The following RPP25L variants were observed in gnomAD, a reference collection of about 807,000 sequenced individuals.
RPP25L encodes the protein ribonuclease P/MRP subunit p25 like, also known as ribonuclease P protein subunit p25-like protein.
In RPP25L, 5 loss-of-function variants were observed where a neutral mutation model predicts 10.1. That is an observed-to-expected ratio of 0.50 (90% CI 0.26 to 1.04). RPP25L has a LOEUF of 1.04. Among genes scored for constraint, RPP25L ranks in the 50% least tolerant of loss-of-function variants. RPP25L has a pLI of 0.14. For missense variants in RPP25L, 192 were observed against 217.3 expected, an observed-to-expected ratio of 0.88 and a Z score of 0.73; for synonymous variants, 96 against 88.6, an observed-to-expected ratio of 1.08 and a Z score of -0.47.
rs759194909 is a variant in RPP25L at position 34,611,150 on chromosome 9, G to A, written c.147C>T (p.Gly49=). The A allele has an allele frequency of 1.2e-6, 2 of 1,614,044 alleles. No individual in the cohort carries two copies. The highest frequency in any genetic ancestry group is 2.2e-5 in the South Asian group (2 of 91,076). The change falls in exon 2 of 2, where the codon GGC becomes GGT. Residue 49 remains glycine, a synonymous_variant. Transcript: ENST00000378959. The surrounding 1 kb of genome is among the most constrained non-coding windows in gnomAD (Gnocchi z 4.4). ...LLGLALGRLE[G]GSARHVVFSG... ...AGAACACTACATGCCGAGCACTGCC[G>A]CCCTCCAACCGACCCAGAGCCAACC...
Position 34,611,441 on chromosome 9 carries a change from A to G in RPP25L, c.-36-109T>C. 1 of 834,236 alleles carries G rather than the reference A, an allele frequency of 1.2e-6. No individual in the cohort carries two copies. Among genetic ancestry groups the G allele is most frequent in the Non-Finnish European group, 1.8e-6 (1 of 544,640 alleles). 51.7% of individuals were successfully genotyped at this position (834,236 alleles called of 1,614,324 possible). A position where few individuals can be genotyped will look rare whatever the true frequency, so the allele number is the denominator to read the frequency against. Reference sequence around the variant, plus strand: ...CTGCTCCCCGTTCCAGACTTCCCAGAAACAGGATCATGTCCCCTTGTCCTT... The same window carrying G: ...CTGCTCCCCGTTCCAGACTTCCCAGGAACAGGATCATGTCCCCTTGTCCTT... On this transcript the variant is annotated intron_variant, in intron 1 of 1. Transcript: ENST00000378959. The surrounding 1 kb of genome is among the most constrained non-coding windows in gnomAD (Gnocchi z 4.4).
chr9:34,610,530 C>T lies in RPP25L; in HGVS notation c.*275G>A, dbSNP rs1481026748. ...AGAAACTTTATTTCCTAAATCCCTCCCTGGACCTCTTTCAGAAGGCAGTTC... is the reference window on the plus strand; with the variant it reads ...AGAAACTTTATTTCCTAAATCCCTCTCTGGACCTCTTTCAGAAGGCAGTTC... On this transcript the variant is annotated 3_prime_UTR_variant, in exon 2 of 2. Transcript: ENST00000378959. 1.2e-5 allele frequency: 5 copies of T among 425,336 alleles called. No homozygotes were observed. The highest frequency in any genetic ancestry group is 2.1e-5 in the Non-Finnish European group (5 of 240,648). 26.3% of individuals were successfully genotyped at this position (425,336 alleles called of 1,614,324 possible).
Position 34,611,159 on chromosome 9 carries a change from C to A in RPP25L, c.138G>T (p.Arg46=), listed in dbSNP as rs764907305. 35 of 1,614,036 alleles carry A rather than the reference C, an allele frequency of 2.2e-5. No individual in the cohort carries two copies. Among genetic ancestry groups the A allele is most frequent in the Non-Finnish European group, 2.8e-5 (33 of 1,180,026 alleles). ...IRNLLGLALG[R]LEGGSARHVV... ...CATGCCGAGCACTGCCGCCCTCCAA[C>A]CGACCCAGAGCCAACCCCAGCAGGT... Residue 46 remains arginine (R), a synonymous_variant, in exon 2 of 2, where the codon CGG becomes CGT. Coordinates refer to ENST00000378959, the MANE Select transcript of RPP25L (RefSeq NM_148178.3). The surrounding 1 kb of genome is among the most constrained non-coding windows in gnomAD (Gnocchi z 4.4).
At position 34,611,335 on chromosome 9, in the gene RPP25L, G is replaced by A. The variant is rs1216959040; in HGVS notation, c.-36-3C>T. On this transcript the variant is annotated splice_polypyrimidine_tract_variant and splice_region_variant and intron_variant, in intron 1 of 1. Coordinates refer to ENST00000378959, the MANE Select transcript of RPP25L (RefSeq NM_148178.3). The surrounding 1 kb of genome is among the most constrained non-coding windows in gnomAD (Gnocchi z 4.4). ...TTGTCTGTGACTCTCGCTGCCCACT[G>A]CAGGGAAGCATCAGGTAAGTGCTAA... The A allele has an allele frequency of 1.9e-6, 3 of 1,594,202 alleles. No homozygotes were observed. The highest frequency in any genetic ancestry group is 1.7e-5 in the Admixed American group (1 of 59,102).
chr9:34,612,019 C>T (rs1820310220), intron 1 of RPP25L, 45 bp downstream of exon 1: 1 of 152,598 alleles, frequency 6.6e-6, no homozygotes, highest in African/African-American at 2.4e-5. Flanking sequence ...CAGGCGTCCC[C>T]CAACCCTACG....
At position 34,612,048 on chromosome 9, in the gene RPP25L, C is replaced by A. The variant is rs370431500; in HGVS notation, c.-37+16G>T. On this transcript the variant is annotated intron_variant, in intron 1 of 1. Transcript: ENST00000378959. Reference sequence around the variant, plus strand: ...CCCTACGAGCGCCCCTCTGCCCGCCCGGTTCCGGCTCTCACCGAAGCCGCC... The same window carrying A: ...CCCTACGAGCGCCCCTCTGCCCGCCAGGTTCCGGCTCTCACCGAAGCCGCC... 2.8e-4 allele frequency: 42 copies of A among 152,062 alleles called. No homozygotes were observed. The East Asian group carries it at 5.5e-3, about 20-fold the overall frequency. The allele number at this position is 152,062 out of a possible 1,614,324, so 9.4% of individuals were successfully genotyped here.
In RPP25L at chr9:34,611,324, C is replaced by T. The variant is rs1429190910; in HGVS notation, c.-28G>A. ...TGCTTGCTGTCTTGTCTGTGACTCT[C>T]GCTGCCCACTGCAGGGAAGCATCAG... On this transcript the variant is annotated 5_prime_UTR_variant, in exon 2 of 2. Transcript: ENST00000378959. This position sits in a 1 kb window ranked among gnomAD's most constrained non-coding sequence, Gnocchi z 4.4. 17 of 1,603,478 alleles carry T rather than the reference C, an allele frequency of 1.1e-5. No individual in the cohort carries two copies. The highest frequency in any genetic ancestry group is 1.4e-5 in the Non-Finnish European group (16 of 1,174,760).
chr9:34,611,014 T>C lies in RPP25L; in HGVS notation c.283A>G (p.Ser95Gly). 1 of 1,614,016 alleles carries C rather than the reference T, an allele frequency of 6.2e-7. No homozygotes were observed. The highest frequency in any genetic ancestry group is 8.5e-7 in the Non-Finnish European group (1 of 1,180,006). Residue 95 changes from serine to glycine, a missense_variant, in exon 2 of 2, where the codon AGC becomes GGC. Physicochemically the swap from Ser to Gly is moderately conservative, Grantham distance 56. Coordinates refer to ENST00000378959, the MANE Select transcript of RPP25L (RefSeq NM_148178.3). This position sits in a 1 kb window ranked among gnomAD's most constrained non-coding sequence, Gnocchi z 4.4. ...TKLRFLQTED[S>G]WVPASPDTGL... Reference sequence around the variant, plus strand: ...GTGTCAGGTGAGGCTGGGACCCAGCTGTCCTCAGTCTGAAGGAAACGTAGC... The same window carrying C: ...GTGTCAGGTGAGGCTGGGACCCAGCCGTCCTCAGTCTGAAGGAAACGTAGC...
rs1411144737 is a variant in RPP25L, at chr9:34,611,197, T to C, written c.100A>G (p.Ser34Gly). 3 of 1,614,078 alleles carry C rather than the reference T, an allele frequency of 1.9e-6. No individual in the cohort carries two copies. The highest frequency in any genetic ancestry group is 1.1e-5 in the South Asian group (1 of 91,084). ...DTLEMRVRDG[S>G]KIRNLLGLAL... ...AACCCCAGCAGGTTGCGAATTTTGCTGCCATCTCGGACCCGCATCTCAAGG... is the reference window on the plus strand; with the variant it reads ...AACCCCAGCAGGTTGCGAATTTTGCCGCCATCTCGGACCCGCATCTCAAGG... The change falls in exon 2 of 2, where the codon AGC (serine) becomes GGC (glycine). Residue 34 changes from serine (S) to glycine (G), a missense_variant. Ser to Gly is a moderately conservative substitution (Grantham distance 56). Coordinates refer to ENST00000378959, the MANE Select transcript of RPP25L (RefSeq NM_148178.3). The surrounding 1 kb of genome is among the most constrained non-coding windows in gnomAD (Gnocchi z 4.4).
Position 34,610,755 on chromosome 9 carries a change from C to T in RPP25L, c.*50G>A, listed in dbSNP as rs772508813. 14 of 1,504,820 alleles carry T rather than the reference C, an allele frequency of 9.3e-6. No individual in the cohort carries two copies. Among genetic ancestry groups the T allele is most frequent in the African/African-American group, 4.2e-5 (3 of 71,500 alleles). The allele number at this position is 1,504,820 out of a possible 1,614,324, so 93.2% of individuals were successfully genotyped here. A position where few individuals can be genotyped will look rare whatever the true frequency, so the allele number is the denominator to read the frequency against. On this transcript the variant is annotated 3_prime_UTR_variant, in exon 2 of 2. Transcript: ENST00000378959. ...GTCACAACGCTTCTCAGAAAAGGCA[C>T]AAGCACCCCAGACATTCAGGCCCGG...
Position 34,611,198 on chromosome 9 carries a change from GC to G in RPP25L, c.98del (p.Gly33AlafsTer23). ...ACCCCAGCAGGTTGCGAATTTTGCT[GC>G]CATCTCGGACCCGCATCTCAAGGGT... Reference protein sequence around the residue: ...PDTLEMRVRDGSKIRNLLGLA... With the variant: ...PDTLEMRVRDXSKIRNLLGLA... On this transcript the variant is annotated frameshift_variant, in exon 2 of 2. Transcript: ENST00000378959. LOFTEE classifies it high-confidence loss of function. The surrounding 1 kb of genome is among the most constrained non-coding windows in gnomAD (Gnocchi z 4.4). 6.2e-7 allele frequency: 1 copy of G among 1,614,076 alleles called. No homozygotes were observed. Among genetic ancestry groups the G allele is most frequent in the East Asian group, 2.2e-5 (1 of 44,892 alleles).
rs150856053 is a variant in RPP25L, at chr9:34,611,184, T to G, written c.113A>C (p.Asn38Thr). 9 of 1,613,916 alleles carry G rather than the reference T, an allele frequency of 5.6e-6. No homozygotes were observed. Among genetic ancestry groups the G allele is most frequent in the Non-Finnish European group, 5.9e-6 (7 of 1,180,000 alleles). ...CCGACCCAGAGCCAACCCCAGCAGGTTGCGAATTTTGCTGCCATCTCGGAC... is the reference window on the plus strand; with the variant it reads ...CCGACCCAGAGCCAACCCCAGCAGGGTGCGAATTTTGCTGCCATCTCGGAC... ...MRVRDGSKIR[N>T]LLGLALGRLE... The change falls in exon 2 of 2, where the codon AAC (asparagine) becomes ACC (threonine). Residue 38 changes from asparagine (N) to threonine (T), a missense_variant. Asn to Thr is a moderately conservative substitution (Grantham distance 65, BLOSUM62 0). Transcript: ENST00000378959. This position sits in a 1 kb window ranked among gnomAD's most constrained non-coding sequence, Gnocchi z 4.4.
At position 34,611,071 on chromosome 9, in the gene RPP25L, G is replaced by A. The variant is rs1387048392; in HGVS notation, c.226C>T (p.Arg76Trp). ...AGCTGGTGCAGGCCTGGGACCCGCC[G>A]CTTGACAATCTCAGCGCAGCTGACA... ...KAVSCAEIVK[R>W]RVPGLHQLTK... Residue 76 changes from arginine (R) to tryptophan (W), a missense_variant, in exon 2 of 2, where the codon CGG (arginine) becomes TGG (tryptophan). Arg to Trp is a moderately radical substitution (Grantham distance 101, BLOSUM62 -3). Coordinates refer to ENST00000378959, the MANE Select transcript of RPP25L (RefSeq NM_148178.3). This position sits in a 1 kb window ranked among gnomAD's most constrained non-coding sequence, Gnocchi z 4.4. 3 of 1,613,926 alleles carry A rather than the reference G, an allele frequency of 1.9e-6. No individual in the cohort carries two copies. The highest frequency in any genetic ancestry group is 2.2e-5 in the East Asian group (1 of 44,898).
chr9:34,611,016 TCCTCAGTCTGAAGGAAACGTAG>T lies in RPP25L; in HGVS notation c.259_280del (p.Leu87ThrfsTer12), dbSNP rs750773299. The T allele has an allele frequency of 9.9e-6, 16 of 1,613,828 alleles. No individual in the cohort carries two copies. The highest frequency in any genetic ancestry group is 1.7e-5 in the Admixed American group (1 of 59,992). ...GTCAGGTGAGGCTGGGACCCAGCTG[TCCTCAGTCTGAAGGAAACGTAG>T]CTTGGTGAGCTGGTGCAGGCCTGGG... On this transcript the variant is annotated frameshift_variant, in exon 2 of 2. Coordinates refer to ENST00000378959, the MANE Select transcript of RPP25L (RefSeq NM_148178.3). LOFTEE classifies it high-confidence loss of function. The surrounding 1 kb of genome is among the most constrained non-coding windows in gnomAD (Gnocchi z 4.4).
Position 34,610,726 on chromosome 9 carries a change from A to C in RPP25L, c.*79T>G, listed in dbSNP as rs1467057087. On this transcript the variant is annotated 3_prime_UTR_variant, in exon 2 of 2. Coordinates refer to ENST00000378959, the MANE Select transcript of RPP25L (RefSeq NM_148178.3). Reference sequence around the variant, plus strand: ...GACTCAAACCTTGATGGGGATGTTGAGCAGTCACAACGCTTCTCAGAAAAG... The same window carrying C: ...GACTCAAACCTTGATGGGGATGTTGCGCAGTCACAACGCTTCTCAGAAAAG... The C allele has an allele frequency of 6.9e-7, 1 of 1,450,196 alleles. No individual in the cohort carries two copies. The highest frequency in any genetic ancestry group is 9.2e-7 in the Non-Finnish European group (1 of 1,087,166). The allele number at this position is 1,450,196 out of a possible 1,614,324, so 89.8% of individuals were successfully genotyped here. A position where few individuals can be genotyped will look rare whatever the true frequency, so the allele number is the denominator to read the frequency against.
At position 34,610,840 on chromosome 9, in the gene RPP25L, G is replaced by C. The variant is rs750039440; in HGVS notation, c.457C>G (p.Arg153Gly). The C allele has an allele frequency of 2.6e-6, 4 of 1,543,402 alleles. No individual in the cohort carries two copies. Among genetic ancestry groups the C allele is most frequent in the Middle Eastern group, 3.5e-4 (2 of 5,648 alleles). Residue 153 changes from arginine (R) to glycine (G), a missense_variant, in exon 2 of 2, where the codon CGT becomes GGT. Coordinates refer to ENST00000378959, the MANE Select transcript of RPP25L (RefSeq NM_148178.3). ...GTGTCTCGAGCCCTTCTTCGGGAAC[G>C]AGGGCCACAGCTGGAGCTGGGCATG... ...GSMPSSSCGPRSRRRARDTRS is the reference protein window; with the variant it reads ...GSMPSSSCGPGSRRRARDTRS
chr9:34,610,633 T>C lies in RPP25L; in HGVS notation c.*172A>G. 2 of 701,660 alleles carry C rather than the reference T, an allele frequency of 2.9e-6. No homozygotes were observed. Among genetic ancestry groups the C allele is most frequent in the East Asian group, 5.4e-5 (2 of 37,066 alleles). 43.5% of individuals were successfully genotyped at this position (701,660 alleles called of 1,614,324 possible). ...TTGGCAGAGGCCCCACATCTGTCAT[T>C]CTTCACAGCAGTCCCTTCCCACATG... On this transcript the variant is annotated 3_prime_UTR_variant, in exon 2 of 2. Coordinates refer to ENST00000378959, the MANE Select transcript of RPP25L (RefSeq NM_148178.3).
Position 34,611,388 on chromosome 9 carries a change from A to AT in RPP25L, c.-36-57dup, listed in dbSNP as rs1301658324. The stretch of plus-strand genomic sequence containing the variant: ...AATGTGCCCCAAGTCACTGTCCACC[A>AT]TCCCCTATCTCCATCCAGGATATGG... On this transcript the variant is annotated intron_variant, in intron 1 of 1. Coordinates refer to ENST00000378959, the MANE Select transcript of RPP25L (RefSeq NM_148178.3). The surrounding 1 kb of genome is among the most constrained non-coding windows in gnomAD (Gnocchi z 4.4). 2 of 1,363,066 alleles carry AT rather than the reference A, an allele frequency of 1.5e-6. No homozygotes were observed. The highest frequency in any genetic ancestry group is 2.0e-6 in the Non-Finnish European group (2 of 995,882). 84.4% of individuals were successfully genotyped at this position (1,363,066 alleles called of 1,614,324 possible).
rs890997721 is a variant in RPP25L at position 34,611,482 on chromosome 9, G to T, written c.-36-150C>A. 5.9e-5 allele frequency: 40 copies of T among 672,822 alleles called. No homozygotes were observed. In the Admixed American group the frequency reaches 1.1e-3, roughly 18 times the overall value. 41.7% of individuals were successfully genotyped at this position (672,822 alleles called of 1,614,324 possible). Reference sequence around the variant, plus strand: ...CCTTGTCCTTAGCATCTCGTGACAAGGTCCATGCCTGCCGCAGTCTGGGAA... The same window carrying T: ...CCTTGTCCTTAGCATCTCGTGACAATGTCCATGCCTGCCGCAGTCTGGGAA... On this transcript the variant is annotated intron_variant, in intron 1 of 1. Transcript: ENST00000378959. This position sits in a 1 kb window ranked among gnomAD's most constrained non-coding sequence, Gnocchi z 4.4.
Sources: allele counts gnomAD v4.1 joint callset, GRCh38; gene constraint gnomAD v4.1.1; non-coding constraint Gnocchi (gnomAD v3.1); transcripts MANE v1.5; gene names NCBI Gene and HGNC (gene_info 2026-07-23, HGNC 2026-07-21).